Variants in ARAP3 observed in about 807,000 individuals in gnomAD.
ARAP3 encodes arf-GAP with Rho-GAP domain, ANK repeat and PH domain-containing protein 3.
ARAP3 carries 82 observed loss-of-function variants against 169.2 expected under a neutral mutation model. The ratio of observed to expected loss-of-function variants is 0.48; its 90% CI spans 0.41 to 0.58. ARAP3 has a LOEUF of 0.58. Ranked by LOEUF, ARAP3 falls within the 20% of genes least tolerant of loss-of-function variation. The pLI is 0.00. For synonymous variants in ARAP3, 791 were observed against 800.3 expected (o/e 0.99, Z 0.20); for missense variants, 1,764 against 2,018.0 (o/e 0.87, Z 2.41).
intron 22 of ARAP3, 114 bp downstream of exon 22, chr5:141,659,665 C>G (rs1270237946): frequency 1.4e-6 from 2 of 1,464,660 alleles, no homozygotes; most frequent in African/African-American, 2.8e-5. Context: ...CCTGGTATAG[C>G]TGGCCACCAG....
intron 4 of ARAP3, among the ~76,000 whole-genome samples, chr5:141,678,409 G>A (rs948422088): frequency 1.3e-5 from 2 of 152,196 alleles, no homozygotes. Flanking sequence ...TTGCCCTACC[G>A]GGGCACTCTT....
At chr5:141,659,262 C>T (rs1181771696) in intron 23 of ARAP3, 146 bp downstream of exon 23, 1 of 712,842 alleles carries the variant, frequency 1.4e-6, no homozygotes, top group Non-Finnish European at 2.4e-6. Flanking sequence ...GCACTTCTCT[C>T]ATTGGGTTCC....
chr5:141,662,271 C>CACCATGGTGCAAAGGCTCTGCATG lies in ARAP3; in HGVS notation c.2801-17_2801-16insCATGCAGAGCCTTTGCACCATGGT. On this transcript the variant is annotated splice_polypyrimidine_tract_variant and intron_variant, in intron 19 of 32. Coordinates refer to ENST00000239440, the MANE Select transcript of ARAP3 (RefSeq NM_022481.6). ...AGCCGGAGCCCTGAGGAGAGCCAGCCGTCTCTGCTCACCATGGTGCAAAGG... is the reference window on the plus strand; with the variant it reads ...AGCCGGAGCCCTGAGGAGAGCCAGCCACCATGGTGCAAAGGCTCTGCATGGTCTCTGCTCACCATGGTGCAAAGG... The CACCATGGTGCAAAGGCTCTGCATG allele has an allele frequency of 6.2e-7, 1 of 1,612,744 alleles. No homozygotes were observed. The highest frequency in any genetic ancestry group is 2.2e-5 in the East Asian group (1 of 44,878).
At chr5:141,676,145 C>G (rs889649227) in intron 4 of ARAP3, among the ~76,000 whole-genome samples, 1 of 152,122 alleles carries the variant, frequency 6.6e-6, no homozygotes, top group Admixed American at 6.5e-5. Flanking sequence ...GTCAAGAGGT[C>G]GAGACCATCC....
Position 141,656,521 on chromosome 5 carries a change from G to A in ARAP3, c.3772C>T (p.Leu1258=). The part of the protein sequence containing the change: ...FFLLRGRCLL[L]LKEKKSSKPE... ...GGCCTCACTTTCTTCTCCTTGAGCAGCAGCAGGCAGCGGCCACGCAGCAGA... is the reference window on the plus strand; with the variant it reads ...GGCCTCACTTTCTTCTCCTTGAGCAACAGCAGGCAGCGGCCACGCAGCAGA... The change falls in exon 27 of 33, where the codon CTG becomes TTG. Residue 1258 remains leucine (L), a synonymous_variant. Transcript: ENST00000239440. The A allele has an allele frequency of 6.2e-7, 1 of 1,612,230 alleles. No homozygotes were observed. The highest frequency in any genetic ancestry group is 1.1e-5 in the South Asian group (1 of 90,684).
At chr5:141,662,679 T>G (rs1016230577) in intron 19 of ARAP3, among the ~76,000 whole-genome samples, 7 of 152,228 alleles carry the variant, frequency 4.6e-5, no homozygotes, top group Non-Finnish European at 7.3e-5. Flanking sequence ...CTCCCCAATG[T>G]GCATGTTCTT....
rs1192760287 is a variant in ARAP3, at chr5:141,670,060, G to A, written c.2111C>T (p.Pro704Leu). Residue 704 changes from proline (P) to leucine (L), a missense_variant, in exon 15 of 33, where the codon CCC becomes CTC. This residue lies in a region of ARAP3 where 1,112 missense variants were observed against 1,285.7 expected (regional missense o/e 0.86). Coordinates refer to ENST00000239440, the MANE Select transcript of ARAP3 (RefSeq NM_022481.6). The part of the protein sequence containing the change: ...PSPPRRGRDA[P>L]PRLWCVLGAA... ...TCCCAGCACACACCAAAGGCGCGGG[G>A]GAGCTAAGGCAGAGGGAGATAGTCA... 2.5e-6 allele frequency: 4 copies of A among 1,591,184 alleles called. No individual in the cohort carries two copies. The highest frequency in any genetic ancestry group is 1.7e-4 in the Middle Eastern group (1 of 5,976).
rs138244036 is a variant in ARAP3, at chr5:141,667,343, T to C, written c.2353-700A>G. On this transcript the variant is annotated intron_variant, in intron 16 of 32. Coordinates refer to ENST00000239440, the MANE Select transcript of ARAP3 (RefSeq NM_022481.6). ...GACTGCAAAGCAGTGCTTCTCAAAC[T>C]ACCTGCAGTAAATTGCAGTAAAGGA... is the stretch of plus-strand genomic sequence containing the variant. 5.6e-4 allele frequency among the ~76,000 whole-genome samples: 85 copies of C among 152,296 alleles called. No homozygotes were observed. In the East Asian group the frequency reaches 0.014, roughly 25 times the overall value.
chr5:141,656,716 A>C lies in ARAP3; in HGVS notation c.3655+2T>G. On this transcript the variant is annotated splice_donor_variant, in intron 26 of 32. Coordinates refer to ENST00000239440, the MANE Select transcript of ARAP3 (RefSeq NM_022481.6). LOFTEE classifies it high-confidence loss of function. ...GATGCTGGGCAGAGGAAGGAGGCTC[A>C]CCTGTGAAGAGGCAGCCAGCTTGGG... The C allele has an allele frequency of 6.2e-7, 1 of 1,612,356 alleles. No individual in the cohort carries two copies.
At chr5:141,654,668 GGTCT>G (rs1433394309) in intron 32 of ARAP3, among the ~76,000 whole-genome samples, 2 of 152,042 alleles carry the variant, frequency 1.3e-5, no homozygotes, top group African/African-American at 4.8e-5. Flanking sequence ...TTTGAACCCA[GGTCT>G]GTCTAACTCC....
At chr5:141,664,858 T>TGCGCGG in intron 19 of ARAP3, 64 bp downstream of exon 19, 1 of 755,566 alleles carries the variant, frequency 1.3e-6, no homozygotes, top group Non-Finnish European at 2.1e-6. Context: ...GCTCACGTTC[T>TGCGCGG]CCACCCCCTC....
At chr5:141,678,880 A>G (rs1562427788) in intron 4 of ARAP3, among the ~76,000 whole-genome samples, 1 of 152,194 alleles carries the variant, frequency 6.6e-6, no homozygotes, top group Non-Finnish European at 1.5e-5. Flanking sequence ...GTTTATTGTT[A>G]ATAGACTATC....
At chr5:141,661,571 C>T in intron 21 of ARAP3, 113 bp downstream of exon 21, 1 of 1,152,868 alleles carries the variant, frequency 8.7e-7, no homozygotes, top group Non-Finnish European at 1.3e-6. Context: ...GATACCTTCA[C>T]TTAACAACTG....
rs768693500 is a variant in ARAP3, at chr5:141,672,434, C to T, written c.1385+118G>A. The T allele has an allele frequency of 1.6e-4, 242 of 1,473,464 alleles. No homozygotes were observed. The highest frequency in any genetic ancestry group is 8.5e-4 in the Admixed American group (43 of 50,784). 91.3% of individuals were successfully genotyped at this position (1,473,464 alleles called of 1,614,324 possible). ...CCTTCTGACATCTTGACCTAGCTCA[C>T]TGGACTACCATCTGTGCATACCCTC... On this transcript the variant is annotated intron_variant, in intron 9 of 32. Transcript: ENST00000239440. The surrounding 1 kb of genome is among the most constrained non-coding windows in gnomAD (Gnocchi z 4.9).
rs111992510 is a variant in ARAP3 at position 141,662,415 on chromosome 5, C to T, written c.2801-160G>A. On this transcript the variant is annotated intron_variant, in intron 19 of 32. Coordinates refer to ENST00000239440, the MANE Select transcript of ARAP3 (RefSeq NM_022481.6). ...CATGTTCTTGATTCTCAGGTCTCTG[C>T]TGGAGTCCTCATCCTCAGAAAGTCC... Among the ~76,000 whole-genome samples, 180 of 152,324 alleles carry T rather than the reference C, an allele frequency of 1.2e-3. 1 individual carries two copies. The highest frequency in any genetic ancestry group is 2.1e-3 in the Non-Finnish European group (145 of 68,032).
chr5:141,670,427 C>T, intron 14 of ARAP3, 85 bp downstream of exon 14: 1 of 1,398,452 alleles, frequency 7.2e-7, no homozygotes, highest in Non-Finnish European at 1.0e-6. Context: ...CCCATCCCAG[C>T]CCTCTCCTCT....
In ARAP3 at chr5:141,671,114, C is replaced by T; in HGVS notation, c.1990+151G>A. 2.8e-6 allele frequency: 3 copies of T among 1,073,628 alleles called. No individual in the cohort carries two copies. The highest frequency in any genetic ancestry group is 3.3e-5 in the South Asian group (2 of 60,976). The allele number at this position is 1,073,628 out of a possible 1,614,324, so 66.5% of individuals were successfully genotyped here. The stretch of plus-strand genomic sequence containing the variant: ...ACCGTCATCAGCTATCACATGACAT[C>T]AGGAGATAGGCCCTGGAGGATCTGA... On this transcript the variant is annotated intron_variant, in intron 13 of 32. Transcript: ENST00000239440. The surrounding 1 kb of genome is among the most constrained non-coding windows in gnomAD (Gnocchi z 4.9).
chr5:141,663,964 A>G (rs972184879), intron 19 of ARAP3, among the ~76,000 whole-genome samples: 2 of 152,260 alleles, frequency 1.3e-5, no homozygotes, highest in Non-Finnish European at 2.9e-5. Context: ...GCATTGTATT[A>G]GGTATTATAA....
rs557468748 is a variant in ARAP3, at chr5:141,666,483, G to A, written c.2513C>T (p.Pro838Leu). Residue 838 changes from proline (P) to leucine (L), a missense_variant, in exon 17 of 33, where the codon CCG becomes CTG. By Grantham distance (98) the Pro-to-Leu change is moderately conservative. This residue lies in a region of ARAP3 where 1,112 missense variants were observed against 1,285.7 expected (regional missense o/e 0.86). Coordinates refer to ENST00000239440, the MANE Select transcript of ARAP3 (RefSeq NM_022481.6). ...RGDHLFLCSA[P>L]GPGPPAPEDM... ...CTCAGGGGCTGGGGGGCCTGGGCCC[G>A]GCGCTGAGCACAGGAAGAGGTGGTC... 13 of 1,599,274 alleles carry A rather than the reference G, an allele frequency of 8.1e-6. No individual in the cohort carries two copies. Among genetic ancestry groups the A allele is most frequent in the Admixed American group, 5.2e-5 (3 of 57,990 alleles).
Sources: allele counts gnomAD v4.1 joint callset (sites outside exome capture counted in the v4.1 genomes callset), GRCh38; gene constraint gnomAD v4.1.1; regional missense constraint gnomAD v4.1.1; non-coding constraint Gnocchi (gnomAD v3.1); transcripts MANE v1.5; gene names NCBI Gene and HGNC (gene_info 2026-07-23, HGNC 2026-07-21).